GML: variants seen among roughly 807,000 people sequenced by gnomAD.
GML encodes the protein glycosylphosphatidylinositol anchored molecule like.
A neutral mutation model predicts 8.2 loss-of-function variants in GML; 5 were observed. The ratio of observed to expected loss-of-function variants is 0.61; its 90% CI spans 0.32 to 1.28. The LOEUF is 1.28. GML is among the 50% of genes most tolerant of loss of function. The probability of loss-of-function intolerance (pLI) is 0.06; values close to 1 mark genes in which losing one functional copy is unlikely to be tolerated. For missense variants in GML, 191 were observed against 198.3 expected, an observed-to-expected ratio of 0.96 and a Z score of 0.22; for synonymous variants, 72 against 69.0, an observed-to-expected ratio of 1.04 and a Z score of -0.22.
At chr8:142,837,627 T>G (rs199772491) in intron 1 of GML, among the ~76,000 whole-genome samples, 10,620 of 132,652 alleles carry the variant, frequency 0.08, 621 homozygotes, top group East Asian at 0.34. Flanking sequence ...GGTGACCCAA[T>G]TTGTATGCTC....
At position 142,838,407 on chromosome 8, in the gene GML, G is replaced by A. The variant is rs146607928; in HGVS notation, c.-22-2009G>A. The stretch of plus-strand genomic sequence containing the variant: ...CATTTGTATTTGTCATTAGTCAACC[G>A]GAGACTCGGGGTCTGAGTGGAGGGT... On this transcript the variant is annotated intron_variant, in intron 1 of 3. Transcript: ENST00000220940. Among the ~76,000 whole-genome samples the A allele has an allele frequency of 4.9e-3, 742 of 152,206 alleles. 4 individuals are homozygous for A. Among genetic ancestry groups the A allele is most frequent in the Non-Finnish European group, 8.1e-3 (549 of 68,002 alleles).
intron 1 of GML, 117 bp from the exon 2 acceptor site, chr8:142,840,299 G>A: frequency 1.5e-6 from 1 of 658,924 alleles, no homozygotes; most frequent in East Asian, 2.7e-5. Flanking sequence ...GCCCAGTGGG[G>A]GAGGCATTCA....
At chr8:142,843,289 CACACACACA>C (rs1816462955) in intron 3 of GML, among the ~76,000 whole-genome samples, 3 of 150,740 alleles carry the variant, frequency 2.0e-5, no homozygotes, top group Non-Finnish European at 4.4e-5. Flanking sequence ...CACACACACA[CACACACACA>C]CCATAACCCC....
intron 3 of GML, 109 bp downstream of exon 3, chr8:142,841,334 C>G (rs1816432002): frequency 1.4e-6 from 1 of 695,604 alleles, no homozygotes. Context: ...TCTGTTTCCC[C>G]TTCCCTCATG....
At position 142,846,125 on chromosome 8, in the gene GML, C is replaced by CCA. The variant is rs1816501060; in HGVS notation, c.182-269_182-268dup. On this transcript the variant is annotated intron_variant, in intron 3 of 3. Coordinates refer to ENST00000220940, the MANE Select transcript of GML (RefSeq NM_002066.3). ...TTGCGTGTAGCTACATGACAAGGTA[C>CCA]CATGATACCATTTTGGGAGGGCCAG... Among the ~76,000 whole-genome samples, 3 of 152,244 alleles carry CCA rather than the reference C, an allele frequency of 2.0e-5. No homozygotes were observed. The South Asian group carries it at 6.2e-4, about 32-fold the overall frequency.
At chr8:142,841,016 A>T (rs1816423997) in intron 2 of GML, 102 bp from the exon 3 acceptor site, 1 of 710,906 alleles carries the variant, frequency 1.4e-6, no homozygotes, top group Admixed American at 2.0e-5. Flanking sequence ...CCTTGGAAGC[A>T]GAGGGGAAGG....
chr8:142,839,141 C>T (rs4736341), intron 1 of GML, among the ~76,000 whole-genome samples: 5 of 151,954 alleles, frequency 3.3e-5, no homozygotes, highest in South Asian at 2.1e-4. Flanking sequence ...AAAGCAGGCA[C>T]GACAGAGTGG....
chr8:142,839,155 C>T (rs767006209), intron 1 of GML, among the ~76,000 whole-genome samples: 6 of 151,970 alleles, frequency 3.9e-5, no homozygotes, highest in South Asian at 2.1e-4. Flanking sequence ...AGAGTGGAGA[C>T]GGGGCTGCTG....
chr8:142,842,709 G>A (rs370041759), intron 3 of GML, among the ~76,000 whole-genome samples: 3 of 152,196 alleles, frequency 2.0e-5, no homozygotes, highest in East Asian at 3.9e-4. Context: ...ACTCCAGCAG[G>A]CATTTGGCCA....
At chr8:142,838,609 A>G (rs575057494) in intron 1 of GML, among the ~76,000 whole-genome samples, 6 of 152,304 alleles carry the variant, frequency 3.9e-5, no homozygotes, top group African/African-American at 1.2e-4. Context: ...CACTGTTTTC[A>G]TGCATCCTCT....
rs1816508425 is a variant in GML, at chr8:142,846,718, C to T, written c.*28C>T. ...ACCCCACCTTGGAGGGTCTGACCAT[C>T]TTCACCTGTTCCGCAGAGAAATGTT... On this transcript the variant is annotated 3_prime_UTR_variant, in exon 4 of 4. Transcript: ENST00000220940. 1 of 1,533,586 alleles carries T rather than the reference C, an allele frequency of 6.5e-7. No individual in the cohort carries two copies. Among genetic ancestry groups the T allele is most frequent in the East Asian group, 2.3e-5 (1 of 44,436 alleles). 95.0% of individuals were successfully genotyped at this position (1,533,586 alleles called of 1,614,324 possible).
chr8:142,841,082 G>T, intron 2 of GML, 36 bp from the exon 3 acceptor site: 2 of 986,260 alleles, frequency 2.0e-6, no homozygotes, highest in South Asian at 2.5e-5. Flanking sequence ...AGGCGTAGTG[G>T]AGCAGAAGCC....
chr8:142,837,391 C>G (rs1488217470), intron 1 of GML, among the ~76,000 whole-genome samples: 1 of 151,922 alleles, frequency 6.6e-6, no homozygotes, highest in African/African-American at 2.4e-5. Context: ...TTTTGGGGAG[C>G]TGGCAAGCTC....
At chr8:142,844,017 T>C (rs1369235456) in intron 3 of GML, among the ~76,000 whole-genome samples, 7 of 152,154 alleles carry the variant, frequency 4.6e-5, no homozygotes, top group Non-Finnish European at 1.0e-4. Flanking sequence ...GGGCTAGGAA[T>C]AACCAAAGCA....
intron 1 of GML, among the ~76,000 whole-genome samples, chr8:142,838,071 G>A (rs1003896956): frequency 1.4e-5 from 2 of 144,776 alleles, no homozygotes; most frequent in Admixed American, 7.0e-5. Flanking sequence ...GGAAGGGCTC[G>A]CCCTCTTCGG....
chr8:142,846,797 T>A lies in GML; in HGVS notation c.*107T>A. On this transcript the variant is annotated 3_prime_UTR_variant, in exon 4 of 4. Coordinates refer to ENST00000220940, the MANE Select transcript of GML (RefSeq NM_002066.3). ...GACCCTTATCCACTGCTCCTCTAGG[T>A]GGCCCATTTATGGTTTGTTGTAAGA... 1 of 794,824 alleles carries A rather than the reference T, an allele frequency of 1.3e-6. No individual in the cohort carries two copies. The highest frequency in any genetic ancestry group is 2.5e-5 in the East Asian group (1 of 40,060). The allele number at this position is 794,824 out of a possible 1,614,324, so 49.2% of individuals were successfully genotyped here. A position where few individuals can be genotyped will look rare whatever the true frequency, so the allele number is the denominator to read the frequency against.
chr8:142,842,423 T>A (rs2130223424), intron 3 of GML, among the ~76,000 whole-genome samples: 1 of 152,322 alleles, frequency 6.6e-6, no homozygotes, highest in African/African-American at 2.4e-5. Context: ...CAGTGGCCAC[T>A]GCTGGGGACC....
intron 1 of GML, among the ~76,000 whole-genome samples, chr8:142,838,743 A>G (rs1816377210): frequency 6.6e-6 from 1 of 152,142 alleles, no homozygotes; most frequent in South Asian, 2.1e-4. Flanking sequence ...AAGGAATCCA[A>G]GCTCTCATTT....
intron 3 of GML, among the ~76,000 whole-genome samples, chr8:142,845,867 G>A (rs1204494003): frequency 1.7e-4 from 26 of 152,222 alleles, no homozygotes; most frequent in Admixed American, 1.7e-3. Context: ...AGGGTCAAGA[G>A]CATTTATATG....
Sources: gnomAD v4.1 joint callset for allele counts (sites outside exome capture counted in the v4.1 genomes callset) on GRCh38, gnomAD v4.1.1 for gene constraint, MANE v1.5 for transcripts, NCBI Gene and HGNC (gene_info 2026-07-23, HGNC 2026-07-21) for gene names.